DNAL4: variants seen among roughly 807,000 people sequenced by gnomAD.
DNAL4 encodes dynein axonemal light chain 4, also known as dynein light chain, outer arm 4.
DNAL4 carries 10 observed loss-of-function variants against 12.6 expected under a neutral mutation model. That is an observed-to-expected ratio of 0.79 (90% confidence interval 0.49 to 1.34). The LOEUF (loss-of-function observed/expected upper bound fraction) is 1.34, where lower values mean the gene tolerates loss of function less well. DNAL4 is among the 40% of genes most tolerant of loss of function. The pLI is 0.00. For synonymous variants in DNAL4, 46 were observed against 53.1 expected, an observed-to-expected ratio of 0.87 and a Z score of 0.58; for missense variants, 128 against 138.1, an observed-to-expected ratio of 0.93 and a Z score of 0.37.
At chr22:38,789,619 C>T (rs2093047614) in intron 1 of DNAL4, among the ~76,000 whole-genome samples, 1 of 152,080 alleles carries the variant, frequency 6.6e-6, no homozygotes, top group Non-Finnish European at 1.5e-5. Flanking sequence ...ATCAGACAGT[C>T]CCTGCCTTTA....
Position 38,782,743 on chromosome 22 carries a change from T to A in DNAL4, c.-12A>T. The A allele has an allele frequency of 6.2e-7, 1 of 1,604,508 alleles. No homozygotes were observed. Among genetic ancestry groups the A allele is most frequent in the African/African-American group, 1.3e-5 (1 of 74,514 alleles). On this transcript the variant is annotated 5_prime_UTR_variant, in exon 2 of 4. Transcript: ENST00000216068. The surrounding 1 kb of genome is among the most constrained non-coding windows in gnomAD (Gnocchi z 5.1). ...TCTGTTTCTCCCATGATCCTTCCACTGTGACCACTGGAGGAGAGTGGGGCT... is the reference window on the plus strand; with the variant it reads ...TCTGTTTCTCCCATGATCCTTCCACAGTGACCACTGGAGGAGAGTGGGGCT...
chr22:38,783,522 G>A (rs903612337), intron 1 of DNAL4, among the ~76,000 whole-genome samples: 2 of 152,230 alleles, frequency 1.3e-5, no homozygotes, highest in East Asian at 3.9e-4. Context: ...AAGCAAGGGG[G>A]CCCCTCTGCA....
At chr22:38,786,557 TCAAAA>T (rs542051422) in intron 1 of DNAL4, among the ~76,000 whole-genome samples, 2,010 of 152,078 alleles carry the variant, frequency 0.013, 37 homozygotes, top group African/African-American at 0.042. Flanking sequence ...AGACTCAGTC[TCAAAA>T]CAAAACAAAA....
chr22:38,782,727 C>T lies in DNAL4; in HGVS notation c.5G>A (p.Gly2Glu). 6.2e-7 allele frequency: 1 copy of T among 1,612,492 alleles called. No individual in the cohort carries two copies. Among genetic ancestry groups the T allele is most frequent in the Non-Finnish European group, 8.5e-7 (1 of 1,179,328 alleles). Residue 2 changes from glycine to glutamate, a missense_variant, in exon 2 of 4, where the codon GGA (glycine) becomes GAA (glutamate). Gly to Glu is a moderately conservative substitution (Grantham distance 98). Coordinates refer to ENST00000216068, the MANE Select transcript of DNAL4 (RefSeq NM_005740.3). This position sits in a 1 kb window ranked among gnomAD's most constrained non-coding sequence, Gnocchi z 5.1. ...CTCATCTTTCTTCCCTTCTGTTTCTCCCATGATCCTTCCACTGTGACCACT... is the reference window on the plus strand; with the variant it reads ...CTCATCTTTCTTCCCTTCTGTTTCTTCCATGATCCTTCCACTGTGACCACT... Reference protein sequence around the residue: MGETEGKKDEAD... With the variant: MEETEGKKDEAD...
chr22:38,786,297 G>A (rs1212272694), intron 1 of DNAL4, among the ~76,000 whole-genome samples: 1 of 152,188 alleles, frequency 6.6e-6, no homozygotes, highest in Non-Finnish European at 1.5e-5. Flanking sequence ...AGTGGCTCAC[G>A]CCTGTAATCC....
chr22:38,781,072 C>T, intron 2 of DNAL4, 63 bp from the exon 3 acceptor site: 7 of 1,584,768 alleles, frequency 4.4e-6, no homozygotes, highest in Non-Finnish European at 5.2e-6. Flanking sequence ...GCCTTCCTGG[C>T]TGGCCTCTCT....
intron 1 of DNAL4, among the ~76,000 whole-genome samples, chr22:38,792,287 C>T (rs1177083399): frequency 1.4e-5 from 2 of 146,296 alleles, no homozygotes; most frequent in Admixed American, 6.8e-5. Flanking sequence ...TTCTTTTTTA[C>T]TTTTTTTTTT....
In DNAL4 at chr22:38,779,587, T is replaced by G. The variant is rs1301210469; in HGVS notation, c.180A>C (p.Thr60=). Residue 60 remains threonine (T), a synonymous_variant, in exon 4 of 4, where the codon ACA becomes ACC. Coordinates refer to ENST00000216068, the MANE Select transcript of DNAL4 (RefSeq NM_005740.3). This position sits in a 1 kb window ranked among gnomAD's most constrained non-coding sequence, Gnocchi z 4.3. The stretch of plus-strand genomic sequence containing the variant: ...AGGAGGAGCCGAACTTCTTGTCCAT[T>G]GTCTCTTTGATCATCTTGGCGGCGC... ...NESAAKMIKE[T]MDKKFGSSWH... 1 of 1,599,266 alleles carries G rather than the reference T, an allele frequency of 6.3e-7. No homozygotes were observed. Among genetic ancestry groups the G allele is most frequent in the Non-Finnish European group, 8.5e-7 (1 of 1,172,058 alleles).
chr22:38,782,737 T>C lies in DNAL4; in HGVS notation c.-6A>G. On this transcript the variant is annotated 5_prime_UTR_variant, in exon 2 of 4. Coordinates refer to ENST00000216068, the MANE Select transcript of DNAL4 (RefSeq NM_005740.3). This position sits in a 1 kb window ranked among gnomAD's most constrained non-coding sequence, Gnocchi z 5.1. ...TTCCCTTCTGTTTCTCCCATGATCC[T>C]TCCACTGTGACCACTGGAGGAGAGT... The C allele has an allele frequency of 1.2e-6, 2 of 1,609,266 alleles. No individual in the cohort carries two copies. The highest frequency in any genetic ancestry group is 1.7e-6 in the Non-Finnish European group (2 of 1,177,694).
intron 1 of DNAL4, among the ~76,000 whole-genome samples, chr22:38,788,524 C>T (rs548029600): frequency 1.3e-5 from 2 of 152,138 alleles, no homozygotes; most frequent in Middle Eastern, 6.8e-3. Context: ...TCTGGATCTG[C>T]AATTCTCAAC....
intron 1 of DNAL4, among the ~76,000 whole-genome samples, chr22:38,791,767 T>C (rs2093050941): frequency 1.3e-5 from 2 of 151,990 alleles, no homozygotes; most frequent in African/African-American, 4.8e-5. Context: ...CTCAGCTCAA[T>C]GCAACATCCA....
In DNAL4 at chr22:38,782,594, G is replaced by A. The variant is rs2093035894; in HGVS notation, c.69+69C>T. On this transcript the variant is annotated intron_variant, in intron 2 of 3. Transcript: ENST00000216068. The surrounding 1 kb of genome is among the most constrained non-coding windows in gnomAD (Gnocchi z 5.1). ...CCCACTGCCATCCTGCAAGGGACAAGCTCCACCCACCTCTCTCCAGGCTGT... is the reference window on the plus strand; with the variant it reads ...CCCACTGCCATCCTGCAAGGGACAAACTCCACCCACCTCTCTCCAGGCTGT... The A allele has an allele frequency of 6.5e-7, 1 of 1,547,780 alleles. No homozygotes were observed.
rs565895431 is a variant in DNAL4 at position 38,782,106 on chromosome 22, G to A, written c.69+557C>T. Among the ~76,000 whole-genome samples, 1 of 152,264 alleles carries A rather than the reference G, an allele frequency of 6.6e-6. No individual in the cohort carries two copies. The highest frequency in any genetic ancestry group is 6.5e-5 in the Admixed American group (1 of 15,298). ...CAGGCCTGTAGGGTCTGGCCCCACT[G>A]GTGCTGTTATGTCCTGCCACCCTTC... On this transcript the variant is annotated intron_variant, in intron 2 of 3. Transcript: ENST00000216068. The surrounding 1 kb of genome is among the most constrained non-coding windows in gnomAD (Gnocchi z 5.1).
chr22:38,789,991 T>A (rs987581486), intron 1 of DNAL4, among the ~76,000 whole-genome samples: 11 of 152,344 alleles, frequency 7.2e-5, no homozygotes, highest in African/African-American at 2.4e-4. Context: ...GGGGTTGGGC[T>A]GTGGACGTGT....
chr22:38,792,059 C>T (rs2093051486), intron 1 of DNAL4, among the ~76,000 whole-genome samples: 1 of 152,038 alleles, frequency 6.6e-6, no homozygotes. Context: ...ATTTAGGCTG[C>T]ACTAAATTTA....
In DNAL4 at chr22:38,778,828, G is replaced by A. The variant is rs911099984; in HGVS notation, c.*621C>T. On this transcript the variant is annotated 3_prime_UTR_variant, in exon 4 of 4. Transcript: ENST00000216068. Reference sequence around the variant, plus strand: ...GGCTCTCAACTGTACGGGTCGAGGAGGGGACGGGAAAGGCTGCTTGGTCCC... The same window carrying A: ...GGCTCTCAACTGTACGGGTCGAGGAAGGGACGGGAAAGGCTGCTTGGTCCC... The A allele has an allele frequency of 3.3e-5, 5 of 152,528 alleles. No homozygotes were observed. The highest frequency in any genetic ancestry group is 5.9e-5 in the Non-Finnish European group (4 of 68,150). 9.4% of individuals were successfully genotyped at this position (152,528 alleles called of 1,614,324 possible).
intron 1 of DNAL4, among the ~76,000 whole-genome samples, chr22:38,791,328 A>G (rs1751800740): frequency 6.6e-6 from 1 of 152,030 alleles, no homozygotes; most frequent in Admixed American, 6.6e-5. Flanking sequence ...GGACACCACT[A>G]TAACTTTATT....
chr22:38,780,828 C>A, intron 3 of DNAL4, 98 bp downstream of exon 3: 1 of 1,211,508 alleles, frequency 8.3e-7, no homozygotes, highest in Non-Finnish European at 1.2e-6. Flanking sequence ...CTCATCCTAG[C>A]AGTACTGTCT....
chr22:38,780,839 G>A (rs1364560879), intron 3 of DNAL4, 87 bp downstream of exon 3: 1 of 1,350,642 alleles, frequency 7.4e-7, no homozygotes, highest in Non-Finnish European at 1.1e-6. Flanking sequence ...AGTACTGTCT[G>A]GAGCCAACTG....
Sources: gnomAD v4.1 joint callset for allele counts (sites outside exome capture counted in the v4.1 genomes callset) on GRCh38, gnomAD v4.1.1 for gene constraint, Gnocchi (gnomAD v3.1) non-coding constraint, MANE v1.5 for transcripts, NCBI Gene and HGNC (gene_info 2026-07-23, HGNC 2026-07-21) for gene names.